Variants in TXNDC9 observed in about 807,000 individuals in gnomAD.
TXNDC9 encodes the protein thioredoxin domain-containing protein 9.
In TXNDC9, 7 loss-of-function variants were observed where a neutral mutation model predicts 23.0. That is an observed-to-expected ratio of 0.30 (90% confidence interval 0.17 to 0.57). TXNDC9 has a LOEUF of 0.57. Among genes scored for constraint, TXNDC9 ranks in the 20% least tolerant of loss-of-function variants. The probability of loss-of-function intolerance (pLI) is 0.90; values close to 1 mark genes in which losing one functional copy is unlikely to be tolerated. For synonymous variants in TXNDC9, 72 were observed against 90.6 expected (o/e 0.79, Z 1.17); for missense variants, 198 against 252.6 (o/e 0.78, Z 1.47).
chr2:99,322,795 CCT>C (rs2094205478), intron 3 of TXNDC9: 1 of 1,189,886 alleles, frequency 8.4e-7, no homozygotes, highest in African/African-American at 1.6e-5. Context: ...GGCGTATTGC[CCT>C]GTCCCCCAGG....
At chr2:99,308,567 C>T in the TXNDC9 span, among the ~76,000 whole-genome samples, 5 of 151,792 alleles carry the variant, frequency 3.3e-5, no homozygotes, top group East Asian at 9.7e-4. Flanking sequence ...TGGAATGTTG[C>T]TGTACATGCA....
At chr2:99,308,007 G>A in the TXNDC9 span, among the ~76,000 whole-genome samples, 1 of 152,152 alleles carries the variant, frequency 6.6e-6, no homozygotes, top group East Asian at 1.9e-4. Context: ...AACAGCCTCG[G>A]CTAACAGACT....
chr2:99,308,361 T>C, the TXNDC9 span, among the ~76,000 whole-genome samples: 1 of 152,230 alleles, frequency 6.6e-6, no homozygotes, highest in African/African-American at 2.4e-5. Context: ...AAGGTGCAGC[T>C]CTACACAGCA....
chr2:99,322,420 A>C lies in TXNDC9; in HGVS notation c.309-211T>G. The C allele has an allele frequency of 5.6e-6, 7 of 1,243,606 alleles. No individual in the cohort carries two copies. The South Asian group carries it at 1.2e-4, about 22-fold the overall frequency. The allele number at this position is 1,243,606 out of a possible 1,614,324, so 77.0% of individuals were successfully genotyped here. ...GGGAAAACAGCCTATAAGATTCTAG[A>C]AAGTCAGATTTGCATTAATGATATT... is the stretch of plus-strand genomic sequence containing the variant. On this transcript the variant is annotated intron_variant, in intron 3 of 4. Coordinates refer to ENST00000264255, the MANE Select transcript of TXNDC9 (RefSeq NM_005783.4).
rs2094240338 is a variant in TXNDC9 at position 99,336,297 on chromosome 2, C to G, written c.-91G>C. 1.0e-6 allele frequency: 1 copy of G among 985,422 alleles called. No homozygotes were observed. Among genetic ancestry groups the G allele is most frequent in the South Asian group, 4.7e-5 (1 of 21,284 alleles). The allele number at this position is 985,422 out of a possible 1,614,324, so 61.0% of individuals were successfully genotyped here. Reference sequence around the variant, plus strand: ...GCAGCAGTTTCAAAAGACACGTCCACTCCGGCTTTTGCCTTGCAGTAGCTG... The same window carrying G: ...GCAGCAGTTTCAAAAGACACGTCCAGTCCGGCTTTTGCCTTGCAGTAGCTG... On this transcript the variant is annotated 5_prime_UTR_variant, in exon 1 of 5. Transcript: ENST00000264255.
chr2:99,307,132 CTCTT>C, the TXNDC9 span, among the ~76,000 whole-genome samples: 1 of 132,974 alleles, frequency 7.5e-6, no homozygotes, highest in African/African-American at 2.6e-5. Context: ...TTCTCTCTCT[CTCTT>C]CCTTCCTTGT....
intron 2 of TXNDC9, among the ~76,000 whole-genome samples, chr2:99,332,175 G>T (rs2094227361): frequency 6.6e-6 from 1 of 152,254 alleles, no homozygotes; most frequent in South Asian, 2.1e-4. Context: ...AGGTGCGGTA[G>T]CTCACGCTTG....
chr2:99,328,194 CAA>C (rs2094217235), intron 2 of TXNDC9, among the ~76,000 whole-genome samples: 1 of 151,502 alleles, frequency 6.6e-6, no homozygotes, highest in Admixed American at 6.6e-5. Flanking sequence ...CTCCTGGGCT[CAA>C]GAGATCCTCC....
chr2:99,327,818 C>T (rs2094216232), intron 2 of TXNDC9, among the ~76,000 whole-genome samples, 165 bp from the exon 3 acceptor site: 1 of 146,808 alleles, frequency 6.8e-6, no homozygotes, highest in Admixed American at 6.9e-5. Context: ...CGGAGTCTTG[C>T]TCTGTCACCA....
chr2:99,326,046 G>A (rs995650791), intron 3 of TXNDC9, among the ~76,000 whole-genome samples: 28 of 151,606 alleles, frequency 1.8e-4, no homozygotes, highest in African/African-American at 6.5e-4. Context: ...AAAACAAGTG[G>A]ACAAATAATA....
At chr2:99,325,898 C>G (rs532669398) in intron 3 of TXNDC9, among the ~76,000 whole-genome samples, 14 of 151,972 alleles carry the variant, frequency 9.2e-5, no homozygotes, top group African/African-American at 3.1e-4. Flanking sequence ...GTAGCCCTGG[C>G]TACTCGGGAG....
the TXNDC9 span, among the ~76,000 whole-genome samples, chr2:99,310,312 G>C: frequency 6.6e-6 from 1 of 152,178 alleles, no homozygotes; most frequent in African/African-American, 2.4e-5. Flanking sequence ...GTCTCACTCT[G>C]TTGTCCAGGC....
At chr2:99,314,196 G>C (rs1574900059), downstream of TXNDC9, among the ~76,000 whole-genome samples, 1 of 152,158 alleles carries the variant, frequency 6.6e-6, no homozygotes, top group African/African-American at 2.4e-5. Flanking sequence ...TTAAAACTGT[G>C]AATCAAGTCT....
the TXNDC9 span, among the ~76,000 whole-genome samples, chr2:99,312,008 T>A: frequency 2.0e-5 from 3 of 152,276 alleles, no homozygotes; most frequent in South Asian, 6.2e-4. Context: ...CCATAAGTTG[T>A]TTGTTTGGAT....
At chr2:99,326,364 A>G (rs2094212680) in intron 3 of TXNDC9, among the ~76,000 whole-genome samples, 2 of 152,228 alleles carry the variant, frequency 1.3e-5, no homozygotes, top group South Asian at 4.1e-4. Flanking sequence ...CAGAAATGAG[A>G]AAGAGAGCAG....
intron 2 of TXNDC9, among the ~76,000 whole-genome samples, chr2:99,329,794 CCT>C (rs899449958): frequency 7.9e-5 from 12 of 151,472 alleles, no homozygotes; most frequent in African/African-American, 2.4e-4. Flanking sequence ...ACGGCGAAAC[CCT>C]GTCTCTACAA....
At chr2:99,322,692 T>A in intron 3 of TXNDC9, 1 of 1,483,214 alleles carries the variant, frequency 6.7e-7, no homozygotes, top group Non-Finnish European at 8.9e-7. Flanking sequence ...GGCTAAGGGT[T>A]ACTAATAATA....
chr2:99,325,673 C>T (rs1269551438), intron 3 of TXNDC9, among the ~76,000 whole-genome samples: 3 of 152,092 alleles, frequency 2.0e-5, no homozygotes, highest in African/African-American at 2.4e-5. Context: ...CAGGCAAATG[C>T]GCTGCCTCTA....
At chr2:99,313,396 C>G in the TXNDC9 span, among the ~76,000 whole-genome samples, 1 of 152,238 alleles carries the variant, frequency 6.6e-6, no homozygotes, top group East Asian at 1.9e-4. Context: ...TTTCCCTAGA[C>G]ATTTAGAATA....
Sources: allele counts gnomAD v4.1 joint callset (sites outside exome capture counted in the v4.1 genomes callset), GRCh38; gene constraint gnomAD v4.1.1; transcripts MANE v1.5; gene names NCBI Gene and HGNC (gene_info 2026-07-23, HGNC 2026-07-21).